PIBF1: variants seen among roughly 807,000 people sequenced by gnomAD.
PIBF1 encodes the protein progesterone immunomodulatory binding factor 1, also known as progesterone-induced-blocking factor 1.
Under a neutral mutation model 112.5 loss-of-function variants are expected in PIBF1, and 90 were observed. That is an observed-to-expected ratio of 0.80 (90% confidence interval 0.67 to 0.95). The LOEUF (loss-of-function observed/expected upper bound fraction) is 0.95. PIBF1 is among the 40% of genes least tolerant of loss of function. The pLI is 0.00. For missense variants in PIBF1, 915 were observed against 852.3 expected (o/e 1.07, Z -0.92); for synonymous variants, 301 against 288.6 (o/e 1.04, Z -0.44).
intron 15 of PIBF1, among the ~76,000 whole-genome samples, chr13:72,968,297 T>TG (rs1463521296): frequency 6.6e-6 from 1 of 151,912 alleles, no homozygotes; most frequent in Admixed American, 6.6e-5. Flanking sequence ...TTGTTGTTCT[T>TG]TTTTTTCTTT....
intron 5 of PIBF1, among the ~76,000 whole-genome samples, chr13:72,815,389 T>C (rs551937503): frequency 2.0e-5 from 3 of 152,334 alleles, no homozygotes; most frequent in African/African-American, 7.2e-5. Context: ...TATGAGTTTG[T>C]TACCTTGTGA....
chr13:72,853,364 C>T (rs2038259894), intron 9 of PIBF1, among the ~76,000 whole-genome samples: 1 of 152,126 alleles, frequency 6.6e-6, no homozygotes, highest in Non-Finnish European at 1.5e-5. Flanking sequence ...CTCAGATCTA[C>T]TTAATTTAGT....
At chr13:72,992,574 A>G (rs1424636147) in intron 16 of PIBF1, among the ~76,000 whole-genome samples, 1 of 152,212 alleles carries the variant, frequency 6.6e-6, no homozygotes, top group African/African-American at 2.4e-5. Context: ...CAGGCAGATC[A>G]CTTGAACTCA....
rs570047627 is a variant in PIBF1 at position 72,888,200 on chromosome 13, T to C, written c.1323-5584T>C. On this transcript the variant is annotated intron_variant, in intron 10 of 17. Transcript: ENST00000326291. The stretch of plus-strand genomic sequence containing the variant: ...TAACTATTTAACAATGAAAGAATTG[T>C]TGAGAATGGAAAATTATGAGGCCAA... 1.4e-4 allele frequency among the ~76,000 whole-genome samples: 22 copies of C among 152,214 alleles called. 1 individual carries two copies. The highest frequency in any genetic ancestry group is 5.3e-4 in the African/African-American group (22 of 41,546).
chr13:72,932,332 T>C (rs1313048313), intron 14 of PIBF1, among the ~76,000 whole-genome samples: 1 of 152,204 alleles, frequency 6.6e-6, no homozygotes, highest in African/African-American at 2.4e-5. Context: ...TTAATATATG[T>C]TGTTTATTAT....
chr13:72,999,198 T>C (rs2139028976), intron 17 of PIBF1, among the ~76,000 whole-genome samples: 1 of 152,260 alleles, frequency 6.6e-6, no homozygotes, highest in Admixed American at 6.5e-5. Flanking sequence ...TTTACTGTAA[T>C]TCCTCATAAA....
At chr13:72,901,725 T>TGC (rs1184546104) in intron 11 of PIBF1, among the ~76,000 whole-genome samples, 4 of 150,454 alleles carry the variant, frequency 2.7e-5, no homozygotes, top group Non-Finnish European at 5.9e-5. Flanking sequence ...TTGGCATGGA[T>TGC]GCGGCGATCA....
chr13:72,844,988 TA>T (rs1476639610), intron 9 of PIBF1, among the ~76,000 whole-genome samples: 1 of 152,036 alleles, frequency 6.6e-6, no homozygotes, highest in Admixed American at 6.5e-5. Context: ...TATTTTATTT[TA>T]TTTTAAGTTC....
chr13:72,838,117 C>T (rs189260156), intron 9 of PIBF1, among the ~76,000 whole-genome samples: 1 of 152,300 alleles, frequency 6.6e-6, no homozygotes, highest in African/African-American at 2.4e-5. Context: ...CATTTGCACC[C>T]TCATGTAATT....
intron 14 of PIBF1, among the ~76,000 whole-genome samples, chr13:72,931,903 A>G (rs2041715773): frequency 6.7e-6 from 1 of 148,238 alleles, no homozygotes; most frequent in Non-Finnish European, 1.5e-5. Flanking sequence ...GAGTGTCAAC[A>G]TAAGAAGTTT....
chr13:72,890,234 G>A (rs2040008060), intron 10 of PIBF1, among the ~76,000 whole-genome samples: 1 of 152,158 alleles, frequency 6.6e-6, no homozygotes, highest in African/African-American at 2.4e-5. Context: ...TCACATTGAT[G>A]TCTCTCCTGT....
chr13:72,927,976 T>TATAC (rs2041557935), intron 13 of PIBF1, among the ~76,000 whole-genome samples: 5 of 81,118 alleles, frequency 6.2e-5, no homozygotes, highest in Non-Finnish European at 8.4e-5. Flanking sequence ...TATATATATA[T>TATAC]ACATATATAT....
rs2040779322 is a variant in PIBF1 at position 72,908,521 on chromosome 13, T to G, written c.1489-10T>G. 1 of 1,572,310 alleles carries G rather than the reference T, an allele frequency of 6.4e-7. No homozygotes were observed. Among genetic ancestry groups the G allele is most frequent in the Non-Finnish European group, 8.6e-7 (1 of 1,159,596 alleles). On this transcript the variant is annotated splice_polypyrimidine_tract_variant and intron_variant, in intron 11 of 17. Transcript: ENST00000326291. ...ATTCTGCCTTTGTAATTCTTCTCTT[T>G]CACTATTAGGTTTTAACCAAAGAAT...
intron 9 of PIBF1, among the ~76,000 whole-genome samples, chr13:72,846,296 A>G (rs1467299565): frequency 1.3e-5 from 2 of 152,032 alleles, no homozygotes; most frequent in African/African-American, 4.8e-5. Context: ...TTCACATTCC[A>G]TATTCTATTC....
chr13:72,943,981 A>G (rs560930697), intron 14 of PIBF1, among the ~76,000 whole-genome samples: 1 of 152,336 alleles, frequency 6.6e-6, no homozygotes, highest in East Asian at 1.9e-4. Flanking sequence ...TAACTGGCAT[A>G]TGTTAATCAC....
Position 72,927,994 on chromosome 13 carries a change from C to T in PIBF1, c.1731-3171C>T, listed in dbSNP as rs1340073488. On this transcript the variant is annotated intron_variant, in intron 13 of 17. Transcript: ENST00000326291. ...ATATATATACATATATATATACACACACATATATATACATATATATACATA... is the reference window on the plus strand; with the variant it reads ...ATATATATACATATATATATACACATACATATATATACATATATATACATA... 7.2e-3 allele frequency among the ~76,000 whole-genome samples: 573 copies of T among 79,812 alleles called. 28 individuals are homozygous for T. The highest frequency in any genetic ancestry group is 8.6e-3 in the East Asian group (25 of 2,902). 52.4% of individuals were successfully genotyped at this position (79,812 alleles called of 152,430 possible).
intron 16 of PIBF1, among the ~76,000 whole-genome samples, chr13:72,982,457 TA>T (rs1305907201): frequency 1.3e-5 from 2 of 151,772 alleles, no homozygotes; most frequent in Admixed American, 6.6e-5. Context: ...AAAATAAAAA[TA>T]AAAAAATATT....
intron 16 of PIBF1, among the ~76,000 whole-genome samples, chr13:72,984,676 C>T (rs1594316478): frequency 6.6e-6 from 1 of 152,014 alleles, no homozygotes; most frequent in South Asian, 2.1e-4. Flanking sequence ...ACTCTCTGGA[C>T]CACTGTGTTT....
At chr13:72,872,951 A>T (rs1385580136) in intron 10 of PIBF1, among the ~76,000 whole-genome samples, 1 of 152,180 alleles carries the variant, frequency 6.6e-6, no homozygotes, top group Admixed American at 6.5e-5. Flanking sequence ...ACAAAAACCT[A>T]AATAAGTGGA....
Sources: gnomAD v4.1 joint callset for allele counts (sites outside exome capture counted in the v4.1 genomes callset) on GRCh38, gnomAD v4.1.1 for gene constraint, MANE v1.5 for transcripts, NCBI Gene and HGNC (gene_info 2026-07-23, HGNC 2026-07-21) for gene names.